The following ENPP6 variants were observed in gnomAD, a reference collection of about 807,000 sequenced individuals.
ENPP6 encodes ectonucleotide pyrophosphatase/phosphodiesterase 6.
Under a neutral mutation model 42.0 loss-of-function variants are expected in ENPP6, and 32 were observed. That is an observed-to-expected ratio of 0.76 (90% CI 0.58 to 1.02). The LOEUF is 1.02. Among genes scored for constraint, ENPP6 ranks in the 50% least tolerant of loss-of-function variants. The probability of loss-of-function intolerance (pLI) is 0.00; values close to 1 mark genes in which losing one functional copy is unlikely to be tolerated. For missense variants in ENPP6, 552 were observed against 566.8 expected (o/e 0.97, Z 0.27); for synonymous variants, 213 against 216.0 (o/e 0.99, Z 0.12).
intron 2 of ENPP6, among the ~76,000 whole-genome samples, chr4:184,144,794 T>C (rs1736890818): frequency 6.6e-6 from 1 of 152,208 alleles, no homozygotes; most frequent in African/African-American, 2.4e-5. Context: ...CCTCAGGATG[T>C]GTAGCTGGCA....
Position 184,206,195 on chromosome 4 carries a change from C to T in ENPP6, c.241+11384G>A, listed in dbSNP as rs1732993388. Among the ~76,000 whole-genome samples the T allele has an allele frequency of 3.3e-5, 5 of 151,510 alleles. No individual in the cohort carries two copies. In the South Asian group the frequency reaches 1.0e-3, roughly 32 times the overall value. ...GGGGACCAGGGAGGCTGTCTCCACC[C>T]TACCTGGAGCTGTGCGTATGCAGAG... is the stretch of plus-strand genomic sequence containing the variant. On this transcript the variant is annotated intron_variant, in intron 1 of 7. Transcript: ENST00000296741.
rs1276822566 is a variant in ENPP6, at chr4:184,184,089, A to G, written c.242-30356T>C. Reference sequence around the variant, plus strand: ...CCCCACCTCCATGCACCAACTGGACATCATGTGAGGGAGGAAACAGTTCTA... The same window carrying G: ...CCCCACCTCCATGCACCAACTGGACGTCATGTGAGGGAGGAAACAGTTCTA... On this transcript the variant is annotated intron_variant, in intron 1 of 7. Coordinates refer to ENST00000296741, the MANE Select transcript of ENPP6 (RefSeq NM_153343.4). The surrounding 1 kb of genome is among the most constrained non-coding windows in gnomAD (Gnocchi z 4.7). Among the ~76,000 whole-genome samples, 1 of 152,216 alleles carries G rather than the reference A, an allele frequency of 6.6e-6. No homozygotes were observed. Among genetic ancestry groups the G allele is most frequent in the East Asian group, 1.9e-4 (1 of 5,206 alleles).
In ENPP6 at chr4:184,119,820, T is replaced by A. The variant is rs574845651; in HGVS notation, c.534-1920A>T. Among the ~76,000 whole-genome samples, 192 of 152,326 alleles carry A rather than the reference T, an allele frequency of 1.3e-3. 1 individual carries two copies. The highest frequency in any genetic ancestry group is 3.9e-3 in the South Asian group (19 of 4,832). On this transcript the variant is annotated intron_variant, in intron 3 of 7. Transcript: ENST00000296741. ...TTTTATAAAGGGATTTCCCCCCTTT[T>A]GCTTGGCACTTCTCCTTGTTGCTGC...
chr4:184,207,404 A>G (rs1733019505), intron 1 of ENPP6, among the ~76,000 whole-genome samples: 1 of 152,252 alleles, frequency 6.6e-6, no homozygotes, highest in African/African-American at 2.4e-5. Context: ...TGGATTGAAC[A>G]AATCACTGCT....
chr4:184,161,895 G>A (rs1038329919), intron 1 of ENPP6, among the ~76,000 whole-genome samples: 5 of 152,098 alleles, frequency 3.3e-5, no homozygotes, highest in African/African-American at 1.2e-4. Flanking sequence ...GGGTGGGAGG[G>A]GGTGAGGGAC....
Position 184,090,180 on chromosome 4 carries a change from C to T in ENPP6, c.*997G>A, listed in dbSNP as rs1735761884. 1 of 148,920 alleles carries T rather than the reference C, an allele frequency of 6.7e-6. No individual in the cohort carries two copies. The highest frequency in any genetic ancestry group is 2.5e-5 in the African/African-American group (1 of 40,208). 9.2% of individuals were successfully genotyped at this position (148,920 alleles called of 1,614,324 possible). A position where few individuals can be genotyped will look rare whatever the true frequency, so the allele number is the denominator to read the frequency against. ...CCAGGATTAAGGCTTAGTGCATCACCTCTCTGAGCAACCCACCGAGATCCT... is the reference window on the plus strand; with the variant it reads ...CCAGGATTAAGGCTTAGTGCATCACTTCTCTGAGCAACCCACCGAGATCCT... On this transcript the variant is annotated 3_prime_UTR_variant, in exon 8 of 8. Coordinates refer to ENST00000296741, the MANE Select transcript of ENPP6 (RefSeq NM_153343.4).
At chr4:184,168,987 T>G (rs535262349) in intron 1 of ENPP6, among the ~76,000 whole-genome samples, 3 of 152,290 alleles carry the variant, frequency 2.0e-5, no homozygotes, top group Admixed American at 2.0e-4. Flanking sequence ...TTATTTGGGA[T>G]TTTATTATTC....
At chr4:184,158,498 G>C (rs6552755) in intron 1 of ENPP6, among the ~76,000 whole-genome samples, 111,958 of 152,124 alleles carry the variant, frequency 0.74, 42,329 homozygotes, top group Non-Finnish European at 0.83. Flanking sequence ...ACAGGAAAAT[G>C]AAGGAAGAAG....
chr4:184,159,525 C>A (rs1203305961), intron 1 of ENPP6, among the ~76,000 whole-genome samples: 1 of 152,184 alleles, frequency 6.6e-6, no homozygotes, highest in Non-Finnish European at 1.5e-5. Context: ...TGAGGACTAG[C>A]AAGGAAGTTT....
chr4:184,117,831 A>G lies in ENPP6; in HGVS notation c.603T>C (p.Pro201=), dbSNP rs1261270544. The G allele has an allele frequency of 3.1e-6, 5 of 1,614,124 alleles. No individual in the cohort carries two copies. The highest frequency in any genetic ancestry group is 4.2e-6 in the Non-Finnish European group (5 of 1,180,044). The change falls in exon 4 of 8, where the codon CCT becomes CCC. Residue 201 remains proline (P), a synonymous_variant. Coordinates refer to ENST00000296741, the MANE Select transcript of ENPP6 (RefSeq NM_153343.4). ...RIDVEGHHYG[P]ASPQRKDALK... ...GGGCATCTTTCCTCTGCGGAGATGC[A>G]GGCCCGTAGTGGTGGCCTTCCACGT...
At chr4:184,129,206 T>C (rs575909516) in intron 2 of ENPP6, among the ~76,000 whole-genome samples, 2 of 151,842 alleles carry the variant, frequency 1.3e-5, no homozygotes, top group Non-Finnish European at 2.9e-5. Flanking sequence ...CATGTAAGCG[T>C]TCTTCTATTG....
intron 1 of ENPP6, among the ~76,000 whole-genome samples, chr4:184,166,893 T>C (rs552253876): frequency 6.6e-6 from 1 of 152,206 alleles, no homozygotes; most frequent in African/African-American, 2.4e-5. Flanking sequence ...TTCCTCACAC[T>C]AGTAGGTGGC....
At chr4:184,121,058 C>T (rs1435555964) in intron 3 of ENPP6, among the ~76,000 whole-genome samples, 3 of 152,162 alleles carry the variant, frequency 2.0e-5, no homozygotes, top group African/African-American at 7.2e-5. Context: ...CCAGTGGCCT[C>T]TTTTGTAAGG....
chr4:184,142,373 C>T (rs1736838231), intron 2 of ENPP6, among the ~76,000 whole-genome samples: 1 of 152,250 alleles, frequency 6.6e-6, no homozygotes, highest in African/African-American at 2.4e-5. Flanking sequence ...CCAATTAACT[C>T]TCCTAGAAGC....
chr4:184,142,983 T>C (rs1736847594), intron 2 of ENPP6, among the ~76,000 whole-genome samples: 2 of 152,208 alleles, frequency 1.3e-5, no homozygotes, highest in African/African-American at 4.8e-5. Flanking sequence ...ACAGGGTCTT[T>C]GTGTCTGAGG....
At chr4:184,101,098 G>C (rs1735992473) in intron 6 of ENPP6, among the ~76,000 whole-genome samples, 1 of 152,130 alleles carries the variant, frequency 6.6e-6, no homozygotes, top group Non-Finnish European at 1.5e-5. Flanking sequence ...CAGTCAGTGG[G>C]GACGCAGCTG....
At position 184,131,140 on chromosome 4, in the gene ENPP6, A is replaced by ACTTTCTTTCTTTCTTTCTTTCTTT. The variant is rs1171459794; in HGVS notation, c.422-6892_422-6869dup. On this transcript the variant is annotated intron_variant, in intron 2 of 7. Coordinates refer to ENST00000296741, the MANE Select transcript of ENPP6 (RefSeq NM_153343.4). The stretch of plus-strand genomic sequence containing the variant: ...TTTCAACTTGCTTCCACCAGCACTT[A>ACTTTCTTTCTTTCTTTCTTTCTTT]CTTTCTTTCTTTCTTTCTTTCTTTC... Among the ~76,000 whole-genome samples the ACTTTCTTTCTTTCTTTCTTTCTTT allele has an allele frequency of 7.8e-4, 95 of 121,680 alleles. 3 individuals carry two copies. The highest frequency in any genetic ancestry group is 1.4e-3 in the South Asian group (5 of 3,686). The allele number at this position is 121,680 out of a possible 152,430, so 79.8% of individuals were successfully genotyped here. A position where few individuals can be genotyped will look rare whatever the true frequency, so the allele number is the denominator to read the frequency against.
At chr4:184,134,530 A>AC (rs1256109800) in intron 2 of ENPP6, among the ~76,000 whole-genome samples, 4 of 152,008 alleles carry the variant, frequency 2.6e-5, no homozygotes, top group African/African-American at 4.8e-5. Context: ...TAACATTTTC[A>AC]CACTGTATTA....
At position 184,194,773 on chromosome 4, in the gene ENPP6, C is replaced by T. The variant is rs147898984; in HGVS notation, c.241+22806G>A. On this transcript the variant is annotated intron_variant, in intron 1 of 7. Transcript: ENST00000296741. ...TGTGAGATACAATGGGGAAGGCTGG[C>T]GTCATGGCACAAGGTTGTCCAGCCC... 9.2e-5 allele frequency among the ~76,000 whole-genome samples: 14 copies of T among 152,258 alleles called. No homozygotes were observed. The East Asian group carries it at 2.1e-3, about 23-fold the overall frequency.
Sources: gnomAD v4.1 joint callset for allele counts (sites outside exome capture counted in the v4.1 genomes callset) on GRCh38, gnomAD v4.1.1 for gene constraint, Gnocchi (gnomAD v3.1) non-coding constraint, MANE v1.5 for transcripts, NCBI Gene and HGNC (gene_info 2026-07-23, HGNC 2026-07-21) for gene names.